ADD1: variants seen among roughly 807,000 people sequenced by gnomAD.
ADD1 encodes the protein alpha-adducin.
Under a neutral mutation model 80.5 loss-of-function variants are expected in ADD1, and 24 were observed. That is an observed-to-expected ratio of 0.30 (90% CI 0.22 to 0.42). The LOEUF is 0.42. Ranked by LOEUF, ADD1 falls within the 10% of genes least tolerant of loss-of-function variation. The pLI is 1.00. For missense variants in ADD1, 948 were observed against 1,019.0 expected (o/e 0.93, Z 0.95); for synonymous variants, 373 against 393.8 (o/e 0.95, Z 0.63).
intron 1 of ADD1, among the ~76,000 whole-genome samples, chr4:2,858,832 A>G (rs1401744246): frequency 6.6e-6 from 1 of 152,320 alleles, no homozygotes; most frequent in Non-Finnish European, 1.5e-5. Flanking sequence ...ACAAACAAAG[A>G]ATAATAAACA....
At chr4:2,908,743 A>G in intron 12 of ADD1, 139 bp downstream of exon 12, 1 of 730,678 alleles carries the variant, frequency 1.4e-6, no homozygotes, top group Non-Finnish European at 2.3e-6. Flanking sequence ...AACCTTCATG[A>G]TGAGAAACGG....
At chr4:2,896,643 A>AT (rs138216964) in intron 6 of ADD1, among the ~76,000 whole-genome samples, 3,325 of 150,514 alleles carry the variant, frequency 0.022, 73 homozygotes, top group African/African-American at 0.053. Flanking sequence ...GAATGATGTG[A>AT]TTTTTTTTTT....
Position 2,926,786 on chromosome 4 carries a change from G to A in ADD1, c.2047+674G>A. ...TTTCTGTTTATTTAAAATAAAAACA[G>A]AAGCCCCCCTTTTTTGTACCCAGTC... On this transcript the variant is annotated intron_variant, in intron 15 of 15. Coordinates refer to ENST00000683351, the MANE Select transcript of ADD1 (RefSeq NM_001354761.2). This position sits in a 1 kb window ranked among gnomAD's most constrained non-coding sequence, Gnocchi z 5.0. The A allele has an allele frequency of 5.5e-6, 7 of 1,281,294 alleles. No homozygotes were observed. The highest frequency in any genetic ancestry group is 7.6e-6 in the Non-Finnish European group (7 of 917,920). 79.4% of individuals were successfully genotyped at this position (1,281,294 alleles called of 1,614,324 possible).
chr4:2,868,861 G>A (rs1729971150), intron 1 of ADD1, among the ~76,000 whole-genome samples: 1 of 152,182 alleles, frequency 6.6e-6, no homozygotes, highest in African/African-American at 2.4e-5. Flanking sequence ...CATAGAGCGG[G>A]AAGCATTCGA....
At chr4:2,866,317 C>T (rs1355338390) in intron 1 of ADD1, among the ~76,000 whole-genome samples, 1 of 152,078 alleles carries the variant, frequency 6.6e-6, no homozygotes, top group Non-Finnish European at 1.5e-5. Flanking sequence ...CAGGCACGCA[C>T]CATCACACCC....
intron 1 of ADD1, among the ~76,000 whole-genome samples, chr4:2,868,602 A>G (rs1729925268): frequency 6.6e-6 from 1 of 152,190 alleles, no homozygotes. Context: ...CTCCTTCGGG[A>G]ATAAACAGTC....
intron 1 of ADD1, among the ~76,000 whole-genome samples, chr4:2,850,811 C>G (rs1031649523): frequency 3.3e-5 from 5 of 152,092 alleles, no homozygotes; most frequent in Non-Finnish European, 7.4e-5. Context: ...CTCAAGTGAC[C>G]CACCCGCCTC....
chr4:2,914,277 C>T (rs568367040), intron 13 of ADD1, among the ~76,000 whole-genome samples: 1 of 152,312 alleles, frequency 6.6e-6, no homozygotes, highest in African/African-American at 2.4e-5. Context: ...GCTTCGCTTT[C>T]TTCTTTTTTT....
intron 1 of ADD1, among the ~76,000 whole-genome samples, chr4:2,852,189 T>TCCTTTCTTTCCTTTCTTTCCTTTCTTTC (rs371676635): frequency 3.9e-5 from 2 of 50,826 alleles, no homozygotes; most frequent in African/African-American, 1.4e-4. Context: ...TTTCTTTCTT[T>TCCTTTCTTTCCTTTCTTTCCTTTCTTTC]CTTTCTTTCC....
At chr4:2,882,534 G>C (rs1367606555) in intron 3 of ADD1, among the ~76,000 whole-genome samples, 2 of 152,228 alleles carry the variant, frequency 1.3e-5, no homozygotes, top group Admixed American at 6.5e-5. Context: ...CATGGCAATT[G>C]AGTTTGCAAA....
chr4:2,908,893 G>T, intron 12 of ADD1: 2 of 492,182 alleles, frequency 4.1e-6, no homozygotes, highest in East Asian at 3.8e-5. Context: ...ATTCGGCCCG[G>T]GTTCAGCAGC....
rs924792322 is a variant in ADD1, at chr4:2,907,681, T to G, written c.1507-62T>G. 1.2e-4 allele frequency: 160 copies of G among 1,340,082 alleles called. 2 individuals are homozygous for G. The highest frequency in any genetic ancestry group is 2.4e-4 in the African/African-American group (17 of 69,428). The allele number at this position is 1,340,082 out of a possible 1,614,324, so 83.0% of individuals were successfully genotyped here. On this transcript the variant is annotated intron_variant, in intron 10 of 15. Coordinates refer to ENST00000683351, the MANE Select transcript of ADD1 (RefSeq NM_001354761.2). ...CAGATGTGAGATAAACTGAATAGAT[T>G]GGATGCTATGTCACTTATTGTTGTC... is the stretch of plus-strand genomic sequence containing the variant.
Position 2,886,211 on chromosome 4 carries a change from A to G in ADD1, c.510+1545A>G, listed in dbSNP as rs1428466129. Among the ~76,000 whole-genome samples, 6 of 152,186 alleles carry G rather than the reference A, an allele frequency of 3.9e-5. 1 individual carries two copies. The highest frequency in any genetic ancestry group is 2.6e-4 in the Admixed American group (4 of 15,278). ...TTCACGTTGCTGAAATGTTTCCTCC[A>G]TACTCACACACACATGGGTTTTTCT... is the stretch of plus-strand genomic sequence containing the variant. On this transcript the variant is annotated intron_variant, in intron 4 of 15. Transcript: ENST00000683351.
rs562044512 is a variant in ADD1, at chr4:2,903,315, C to T, written c.1162-1449C>T. The stretch of plus-strand genomic sequence containing the variant: ...GGTTGTTGAGCAGACAGCTCTTCAG[C>T]ATCCCCCGTATTACCTCTCTGTGCT... On this transcript the variant is annotated intron_variant, in intron 9 of 15. Transcript: ENST00000683351. 3.9e-5 allele frequency among the ~76,000 whole-genome samples: 6 copies of T among 152,334 alleles called. No homozygotes were observed. The South Asian group carries it at 1.2e-3, about 32-fold the overall frequency.
chr4:2,864,800 C>G (rs886842914), intron 1 of ADD1, among the ~76,000 whole-genome samples: 1 of 152,134 alleles, frequency 6.6e-6, no homozygotes, highest in Non-Finnish European at 1.5e-5. Context: ...TTATTTTATT[C>G]ACGTTCTTAA....
intron 1 of ADD1, among the ~76,000 whole-genome samples, chr4:2,858,518 G>A (rs1728396893): frequency 6.6e-6 from 1 of 152,240 alleles, no homozygotes; most frequent in Non-Finnish European, 1.5e-5. Flanking sequence ...TTATTAATCA[G>A]CATTGCAAGG....
intron 4 of ADD1, among the ~76,000 whole-genome samples, chr4:2,891,289 C>T (rs140820299): frequency 5.6e-4 from 85 of 152,084 alleles, no homozygotes; most frequent in African/African-American, 2.0e-3. Flanking sequence ...CCCGTCTCTA[C>T]TAAAAATACA....
At chr4:2,852,942 C>G (rs1042737021) in intron 1 of ADD1, among the ~76,000 whole-genome samples, 1 of 151,924 alleles carries the variant, frequency 6.6e-6, no homozygotes, top group Admixed American at 6.6e-5. Flanking sequence ...CTTTTAAACT[C>G]AGATAAGCAG....
chr4:2,900,852 A>G (rs575143628), intron 9 of ADD1: 1 of 152,304 alleles, frequency 6.6e-6, no homozygotes, highest in Non-Finnish European at 1.5e-5. Flanking sequence ...AGTGAGGTTG[A>G]TTGCATTAAT....
Sources: gnomAD v4.1 joint callset for allele counts (sites outside exome capture counted in the v4.1 genomes callset) on GRCh38, gnomAD v4.1.1 for gene constraint, Gnocchi (gnomAD v3.1) non-coding constraint, MANE v1.5 for transcripts, NCBI Gene and HGNC (gene_info 2026-07-23, HGNC 2026-07-21) for gene names.